The following MED12L variants were observed in gnomAD, a reference collection of about 807,000 sequenced individuals.
MED12L encodes mediator of RNA polymerase II transcription subunit 12-like protein.
A neutral mutation model predicts 281.3 loss-of-function variants in MED12L; 60 were observed. That is an observed-to-expected ratio of 0.21 (90% confidence interval 0.17 to 0.26). The LOEUF (loss-of-function observed/expected upper bound fraction) is 0.26. Among genes scored for constraint, MED12L ranks in the 10% least tolerant of loss-of-function variants. The pLI, the probability that MED12L is intolerant of heterozygous loss-of-function variation, is 1.00. For missense variants in MED12L, 2,146 were observed against 2,680.9 expected (o/e 0.80, Z 4.41); for synonymous variants, 974 against 987.2 (o/e 0.99, Z 0.25).
chr3:151,425,628 GTTA>G (rs1718793996), intron 43 of MED12L: 1 of 456,226 alleles, frequency 2.2e-6, no homozygotes, highest in Non-Finnish European at 4.4e-6. Context: ...TGGAGAAGTG[GTTA>G]TACCATGTTG....
intron 16 of MED12L, among the ~76,000 whole-genome samples, chr3:151,246,973 A>G (rs1345083505): frequency 6.6e-6 from 1 of 152,232 alleles, no homozygotes; most frequent in African/African-American, 2.4e-5. Flanking sequence ...ACGAACAGAC[A>G]CTTCTCAAAA....
chr3:151,348,994 T>A (rs1361304044), intron 16 of MED12L, among the ~76,000 whole-genome samples: 3 of 152,326 alleles, frequency 2.0e-5, no homozygotes, highest in Non-Finnish European at 4.4e-5. Flanking sequence ...ATAAGATGGA[T>A]GCTGTTGGGA....
At chr3:151,276,383 A>T (rs56367650) in intron 16 of MED12L, among the ~76,000 whole-genome samples, 71,899 of 151,972 alleles carry the variant, frequency 0.47, 17,095 homozygotes, top group Middle Eastern at 0.65. Flanking sequence ...TAAAGGAAAC[A>T]CTCCTTATTG....
At chr3:151,165,323 C>A in intron 9 of MED12L, 97 bp from the exon 10 acceptor site, 1 of 864,978 alleles carries the variant, frequency 1.2e-6, no homozygotes, top group South Asian at 1.5e-5. Flanking sequence ...TTGTAGTTCA[C>A]TATAGGATAC....
Position 151,403,922 on chromosome 3 carries a change from G to A in MED12L, c.5821-5321G>A, listed in dbSNP as rs188173847. Among the ~76,000 whole-genome samples the A allele has an allele frequency of 6.5e-3, 986 of 152,252 alleles. 4 individuals are homozygous for A. Among genetic ancestry groups the A allele is most frequent in the Non-Finnish European group, 0.011 (721 of 68,010 alleles). ...TTTCTGAAAAGACTCAGTTTTTCTT[G>A]ACAGTTTATGGTATTCAGGGGGCAG... On this transcript the variant is annotated intron_variant, in intron 39 of 44. Coordinates refer to ENST00000687756, the MANE Select transcript of MED12L (RefSeq NM_001393769.1).
At chr3:151,121,293 A>G (rs566512370) in intron 3 of MED12L, among the ~76,000 whole-genome samples, 33 of 152,350 alleles carry the variant, frequency 2.2e-4, no homozygotes, top group African/African-American at 5.8e-4. Context: ...ACAAACTGCA[A>G]TGAAGTTGTT....
intron 16 of MED12L, among the ~76,000 whole-genome samples, chr3:151,216,835 C>A (rs144249930): frequency 1.8e-3 from 273 of 152,300 alleles, no homozygotes; most frequent in African/African-American, 6.3e-3. Flanking sequence ...GACTAAGAGT[C>A]TGTGGCTGGT....
chr3:151,142,277 A>G (rs1717137906), intron 5 of MED12L, among the ~76,000 whole-genome samples: 1 of 152,228 alleles, frequency 6.6e-6, no homozygotes, highest in Admixed American at 6.5e-5. Context: ...ATGAAGATCA[A>G]CTGTGTGAAG....
At chr3:151,298,019 A>G (rs2149708218) in intron 16 of MED12L, among the ~76,000 whole-genome samples, 1 of 152,320 alleles carries the variant, frequency 6.6e-6, no homozygotes, top group South Asian at 2.1e-4. Context: ...AATGGTTTGT[A>G]AGAAGCAGAT....
intron 38 of MED12L, among the ~76,000 whole-genome samples, chr3:151,393,120 T>C (rs897227244): frequency 1.4e-4 from 22 of 152,144 alleles, no homozygotes; most frequent in Admixed American, 1.0e-3. Context: ...ATCTCACTCA[T>C]TTTAGAGGTT....
intron 16 of MED12L, among the ~76,000 whole-genome samples, chr3:151,345,490 T>G (rs1752408942): frequency 6.6e-6 from 1 of 150,650 alleles, no homozygotes; most frequent in Non-Finnish European, 1.5e-5. Flanking sequence ...TTTGAAGGCT[T>G]CTACGTTTTC....
At position 151,364,651 on chromosome 3, in the gene MED12L, C is replaced by T. The variant is rs140052633; in HGVS notation, c.2958-328C>T. ...ACACTTTTCAACAACTGTTAAGACA[C>T]AGTTGTTGGAAGCCATAGTAATTTC... is the stretch of plus-strand genomic sequence containing the variant. On this transcript the variant is annotated intron_variant, in intron 21 of 44. Coordinates refer to ENST00000687756, the MANE Select transcript of MED12L (RefSeq NM_001393769.1). Among the ~76,000 whole-genome samples, 456 of 152,226 alleles carry T rather than the reference C, an allele frequency of 3.0e-3. 3 individuals carry two copies. The highest frequency in any genetic ancestry group is 0.01 in the African/African-American group (436 of 41,546).
chr3:151,313,322 T>A (rs1747796631), intron 16 of MED12L, among the ~76,000 whole-genome samples: 1 of 152,198 alleles, frequency 6.6e-6, no homozygotes, highest in African/African-American at 2.4e-5. Flanking sequence ...TCTACTGTAG[T>A]CTATACTATG....
At chr3:151,376,605 T>C (rs1756881487) in intron 28 of MED12L, among the ~76,000 whole-genome samples, 195 bp from the exon 29 acceptor site, 1 of 152,198 alleles carries the variant, frequency 6.6e-6, no homozygotes, top group African/African-American at 2.4e-5. Flanking sequence ...TAATTAATAA[T>C]TAATGTTTCT....
rs73872011 is a variant in MED12L, at chr3:151,342,535, C to G, written c.2251-7524C>G. On this transcript the variant is annotated intron_variant, in intron 16 of 44. Coordinates refer to ENST00000687756, the MANE Select transcript of MED12L (RefSeq NM_001393769.1). ...AATAAAAAACTCTGGGGTGCCCCAC[C>G]CTGCATCTGTATTTTAGTGAGCCTT... 8.4e-3 allele frequency among the ~76,000 whole-genome samples: 1,273 copies of G among 152,282 alleles called. 19 individuals carry two copies. Among genetic ancestry groups the G allele is most frequent in the African/African-American group, 0.029 (1,197 of 41,556 alleles).
rs571302207 is a variant in MED12L at position 151,351,666 on chromosome 3, A to G, written c.2398+1460A>G. 3.9e-5 allele frequency among the ~76,000 whole-genome samples: 6 copies of G among 152,300 alleles called. No homozygotes were observed. The South Asian group carries it at 1.2e-3, about 32-fold the overall frequency. On this transcript the variant is annotated intron_variant, in intron 17 of 44. Coordinates refer to ENST00000687756, the MANE Select transcript of MED12L (RefSeq NM_001393769.1). ...GAATATTTAAAACTACTTTTGGTAT[A>G]CTTGGCAATGGGGTAGGGGGGAGTC...
chr3:151,134,752 G>C (rs1312924999), intron 5 of MED12L, among the ~76,000 whole-genome samples: 1 of 152,156 alleles, frequency 6.6e-6, no homozygotes, highest in Admixed American at 6.5e-5. Flanking sequence ...TCAGGGAAGG[G>C]CATTTCTGAC....
intron 16 of MED12L, among the ~76,000 whole-genome samples, chr3:151,242,489 A>T (rs1734394077): frequency 1.3e-5 from 2 of 152,058 alleles, no homozygotes; most frequent in Non-Finnish European, 2.9e-5. Flanking sequence ...ACTGGGAGGC[A>T]CCCCCCAGCA....
intron 27 of MED12L, among the ~76,000 whole-genome samples, chr3:151,375,084 G>A (rs947316149): frequency 3.3e-5 from 5 of 152,212 alleles, no homozygotes; most frequent in Non-Finnish European, 7.3e-5. Context: ...GCAATTGTGT[G>A]TTGGTTCCCA....
Sources: gnomAD v4.1 joint callset for allele counts (sites outside exome capture counted in the v4.1 genomes callset) on GRCh38, gnomAD v4.1.1 for gene constraint, MANE v1.5 for transcripts, NCBI Gene and HGNC (gene_info 2026-07-23, HGNC 2026-07-21) for gene names.